The following MCF2 variants were observed in gnomAD, a reference collection of about 807,000 sequenced individuals.
MCF2 encodes MCF.2 cell line derived transforming sequence, also known as proto-oncogene DBL.
Under a neutral mutation model 82.5 loss-of-function variants are expected in MCF2, and 44 were observed. That is an observed-to-expected ratio of 0.53 (90% confidence interval 0.42 to 0.69). The LOEUF is 0.69. MCF2 is among the 30% of genes least tolerant of loss of function. The pLI, the probability that MCF2 is intolerant of heterozygous loss-of-function variation, is 0.00. For synonymous variants in MCF2, 217 were observed against 224.9 expected (o/e 0.96, Z 0.32); for missense variants, 623 against 663.1 (o/e 0.94, Z 0.66).
At position 139,626,188 on chromosome X, in the gene MCF2, C is replaced by G. The variant is rs1932756433; in HGVS notation, c.687+5G>C. ...AAAGGTATACAAAGAAATGTTTTAA[C>G]TGACCTGTTGAAAATCCTGCTCAAA... On this transcript the variant is annotated splice_donor_5th_base_variant and intron_variant, in intron 6 of 24. Coordinates refer to ENST00000370576, the Ensembl canonical transcript of MCF2. The G allele has an allele frequency of 8.9e-7, 1 of 1,126,621 alleles. No homozygotes were observed. 92.8% of individuals were successfully genotyped at this position (1,126,621 alleles called of 1,213,427 possible). A position where few individuals can be genotyped will look rare whatever the true frequency, so the allele number is the denominator to read the frequency against.
chrX:139,665,085 T>C (rs1934471426), intron 1 of MCF2, among the ~76,000 whole-genome samples: 1 of 111,336 alleles, frequency 9.0e-6, no homozygotes, highest in Admixed American at 9.6e-5. Flanking sequence ...TCCCTCTCCT[T>C]TCCTCAAGTG....
intron 1 of MCF2, among the ~76,000 whole-genome samples, chrX:139,637,509 T>TA (rs1403355105): frequency 9.0e-6 from 1 of 111,036 alleles, no homozygotes; most frequent in African/African-American, 3.3e-5. Flanking sequence ...GCAAAAAAAA[T>TA]ACGTATATTT....
At chrX:139,704,314 C>T (rs1250083850) in intron 1 of MCF2, among the ~76,000 whole-genome samples, 2 of 112,148 alleles carry the variant, frequency 1.8e-5, no homozygotes, top group Admixed American at 9.5e-5. Flanking sequence ...ATCTCTTTTC[C>T]TTGATGATAT....
chrX:139,611,205 T>C (rs1161770805), intron 10 of MCF2, among the ~76,000 whole-genome samples: 1 of 111,627 alleles, frequency 9.0e-6, no homozygotes, highest in Non-Finnish European at 1.9e-5. Context: ...AACAAACCTT[T>C]TGTCCTTCCC....
At chrX:139,652,516 T>C (rs1372717146) in intron 1 of MCF2, among the ~76,000 whole-genome samples, 1 of 111,906 alleles carries the variant, frequency 8.9e-6, no homozygotes, top group Middle Eastern at 4.2e-3. Flanking sequence ...TGGAACAATG[T>C]CCATGCATTG....
At position 139,669,997 on chromosome X, in the gene MCF2, G is replaced by A. The variant is rs762323312; in HGVS notation, c.-44-18209C>T. Among the ~76,000 whole-genome samples the A allele has an allele frequency of 3.6e-5, 4 of 111,526 alleles. No individual in the cohort carries two copies. The South Asian group carries it at 1.1e-3, about 32-fold the overall frequency. On this transcript the variant is annotated intron_variant, in intron 1 of 27. Transcript: ENST00000414978. ...CAGTGATGGTTATGTACACCTCTGC[G>A]AATATGCTAAAAACATTTAATTTAA...
chrX:139,647,010 C>CAAAG (rs1933825007), upstream of MCF2: 1 of 488,363 alleles, frequency 2.0e-6, no homozygotes, highest in East Asian at 4.2e-5. Flanking sequence ...AACTTTTTTG[C>CAAAG]AAAGATGATG....
chrX:139,633,137 C>G (rs1457704086), intron 1 of MCF2, among the ~76,000 whole-genome samples: 1 of 111,171 alleles, frequency 9.0e-6, no homozygotes, highest in African/African-American at 3.3e-5. Context: ...ATAGGAAGGT[C>G]AAAAAGATCT....
chrX:139,689,941 T>C (rs1360309205), intron 1 of MCF2, among the ~76,000 whole-genome samples: 1 of 112,141 alleles, frequency 8.9e-6, no homozygotes, highest in East Asian at 2.8e-4. Flanking sequence ...CAGAAAGTTA[T>C]TTACCACAAT....
intron 1 of MCF2, among the ~76,000 whole-genome samples, chrX:139,637,569 G>C (rs1933304799): frequency 9.0e-6 from 1 of 111,337 alleles, no homozygotes; most frequent in Admixed American, 9.6e-5. Flanking sequence ...GTAGGGAAAG[G>C]AGATTGGAGA....
chrX:139,665,934 C>T (rs1933262641), intron 1 of MCF2, among the ~76,000 whole-genome samples: 1 of 95,878 alleles, frequency 1.0e-5, no homozygotes, highest in African/African-American at 3.8e-5. Context: ...TATACACACA[C>T]ACACAAACCA....
chrX:139,593,785 C>G (rs1603275749), intron 19 of MCF2, among the ~76,000 whole-genome samples: 1 of 111,132 alleles, frequency 9.0e-6, no homozygotes, highest in East Asian at 2.8e-4. Flanking sequence ...AACACAAAAA[C>G]CACATGATTA....
intron 1 of MCF2, chrX:139,702,246 AT>A (rs770923904): frequency 1.2e-3 from 132 of 112,588 alleles, no homozygotes; most frequent in African/African-American, 4.2e-3. Flanking sequence ...CAAGAAAAAA[AT>A]GTCTACAACA....
chrX:139,610,631 T>C (rs1451825731), intron 10 of MCF2, among the ~76,000 whole-genome samples: 1 of 111,944 alleles, frequency 8.9e-6, no homozygotes, highest in Non-Finnish European at 1.9e-5. Context: ...GCAGATTTAG[T>C]ATTCATTCTG....
rs769253455 is a variant in MCF2 at position 139,602,820 on chromosome X, C to T, written c.1744-322G>A. 3.6e-5 allele frequency among the ~76,000 whole-genome samples: 4 copies of T among 112,174 alleles called. No individual in the cohort carries two copies. The East Asian group carries it at 8.4e-4, about 24-fold the overall frequency. Reference sequence around the variant, plus strand: ...CTAATAGGCTGCCAAGAAATATATTCTGTTATTAGTCTCTTGATTCCCTAG... The same window carrying T: ...CTAATAGGCTGCCAAGAAATATATTTTGTTATTAGTCTCTTGATTCCCTAG... On this transcript the variant is annotated intron_variant, in intron 15 of 24. Coordinates refer to ENST00000370576, the Ensembl canonical transcript of MCF2.
exon 5 of MCF2, chrX:139,626,754 A>T (rs1465683897): frequency 2.5e-6 from 3 of 1,205,827 alleles, no homozygotes; most frequent in Non-Finnish European, 3.4e-6. Context: ...CTGTAATATC[A>T]TTCTGTCCAA....
chrX:139,674,765 T>G (rs1396695872), intron 1 of MCF2, among the ~76,000 whole-genome samples: 1 of 111,984 alleles, frequency 8.9e-6, no homozygotes, highest in Non-Finnish European at 1.9e-5. Flanking sequence ...ATTTTTTCCT[T>G]CATGTCAACC....
At position 139,675,715 on chromosome X, in the gene MCF2, G is replaced by GCCTGTATGAGGTATCAGTAGGC. The variant is rs375072991; in HGVS notation, c.-44-23949_-44-23928dup. On this transcript the variant is annotated intron_variant, in intron 1 of 27. Coordinates refer to the MCF2 transcript ENST00000414978. Reference sequence around the variant, plus strand: ...GAAGCTTTGTCCCAGAGGGGCACCTGCCTGTATGAGGTATCAGTAGGCCCT... The same window carrying GCCTGTATGAGGTATCAGTAGGC: ...GAAGCTTTGTCCCAGAGGGGCACCTGCCTGTATGAGGTATCAGTAGGCCCTGTATGAGGTATCAGTAGGCCCT... 7.5e-3 allele frequency among the ~76,000 whole-genome samples: 835 copies of GCCTGTATGAGGTATCAGTAGGC among 111,948 alleles called. 5 individuals carry two copies. Among genetic ancestry groups the GCCTGTATGAGGTATCAGTAGGC allele is most frequent in the African/African-American group, 0.026 (791 of 30,760 alleles).
intron 1 of MCF2, among the ~76,000 whole-genome samples, chrX:139,705,735 G>T (rs1180259239): frequency 1.8e-5 from 2 of 112,014 alleles, no homozygotes; most frequent in Non-Finnish European, 3.8e-5. Context: ...AAACTAAAGA[G>T]CTTCTGTACA....
Sources: allele counts gnomAD v4.1 joint callset (sites outside exome capture counted in the v4.1 genomes callset), GRCh38; gene constraint gnomAD v4.1.1; transcripts MANE v1.5; gene names NCBI Gene and HGNC (gene_info 2026-07-23, HGNC 2026-07-21).